The following DPH6 variants were observed in gnomAD, a reference collection of about 807,000 sequenced individuals.
The protein encoded by DPH6 is diphthamine biosynthesis 6, also known as diphthine--ammonia ligase.
DPH6 carries 33 observed loss-of-function variants against 38.2 expected under a neutral mutation model. That is an observed-to-expected ratio of 0.86 (90% CI 0.65 to 1.15). DPH6 has a LOEUF of 1.15. DPH6 is among the 50% of genes most tolerant of loss of function. The pLI is 0.00. For synonymous variants in DPH6, 108 were observed against 103.0 expected (o/e 1.05, Z -0.30); for missense variants, 325 against 320.0 (o/e 1.02, Z -0.12).
the DPH6 span, among the ~76,000 whole-genome samples, chr15:35,178,681 A>AT: frequency 6.6e-6 from 1 of 152,280 alleles, no homozygotes; most frequent in East Asian, 1.9e-4. Flanking sequence ...ATTAGAAAGT[A>AT]TTTTTGTGTG....
the DPH6 span, among the ~76,000 whole-genome samples, chr15:35,172,531 C>T: frequency 2.0e-5 from 3 of 152,132 alleles, no homozygotes; most frequent in African/African-American, 4.8e-5. Flanking sequence ...AGTGTCTCAC[C>T]TGTACAGATA....
chr15:35,488,569 C>T (rs1313682150), intron 3 of DPH6, among the ~76,000 whole-genome samples: 1 of 152,084 alleles, frequency 6.6e-6, no homozygotes, highest in African/African-American at 2.4e-5. Flanking sequence ...GTTACAAGAA[C>T]AGCATGGGGG....
chr15:35,394,591 C>T (rs2053105682), intron 6 of DPH6, among the ~76,000 whole-genome samples: 1 of 152,168 alleles, frequency 6.6e-6, no homozygotes, highest in East Asian at 1.9e-4. Context: ...ATTGCATCAT[C>T]AGTTAAAAGC....
intron 3 of DPH6, among the ~76,000 whole-genome samples, chr15:35,310,588 G>A (rs1166320059): frequency 6.6e-6 from 1 of 152,136 alleles, no homozygotes; most frequent in African/African-American, 2.4e-5. Context: ...AACCTTATAT[G>A]AATGCCTTTT....
downstream of DPH6, among the ~76,000 whole-genome samples, chr15:35,327,685 C>G (rs1325643331): frequency 6.6e-6 from 1 of 152,152 alleles, no homozygotes; most frequent in Non-Finnish European, 1.5e-5. Context: ...GAGACGTGTT[C>G]CAGTCCCATC....
the DPH6 span, among the ~76,000 whole-genome samples, chr15:35,170,063 G>C: frequency 6.6e-6 from 1 of 152,136 alleles, no homozygotes; most frequent in Non-Finnish European, 1.5e-5. Flanking sequence ...ATGCAATTTA[G>C]GCTAATTTGA....
At chr15:35,184,905 A>G in the DPH6 span, among the ~76,000 whole-genome samples, 1 of 152,188 alleles carries the variant, frequency 6.6e-6, no homozygotes, top group African/African-American at 2.4e-5. Flanking sequence ...CTTCCTTAGC[A>G]ACCTCTAGCA....
At chr15:35,488,679 A>AT (rs2054436746) in intron 3 of DPH6, among the ~76,000 whole-genome samples, 1 of 152,204 alleles carries the variant, frequency 6.6e-6, no homozygotes, top group African/African-American at 2.4e-5. Context: ...GAGACAAACC[A>AT]TATCAGTAGT....
intron 1 of DPH6, 44 bp downstream of exon 1, chr15:35,546,075 G>A: frequency 2.2e-6 from 3 of 1,349,398 alleles, no homozygotes; most frequent in East Asian, 3.1e-5. Flanking sequence ...GAAGGGACGA[G>A]AGCCTGGCCT....
At chr15:35,263,461 A>G (rs1595452077) in intron 3 of DPH6, among the ~76,000 whole-genome samples, 1 of 138,530 alleles carries the variant, frequency 7.2e-6, no homozygotes, top group East Asian at 2.1e-4. Flanking sequence ...GCTAGAGTGC[A>G]GTGGCATGAT....
chr15:35,523,399 A>T (rs948450676), intron 3 of DPH6, among the ~76,000 whole-genome samples: 1 of 151,934 alleles, frequency 6.6e-6, no homozygotes, highest in Non-Finnish European at 1.5e-5. Flanking sequence ...CCAATAAGAG[A>T]TTATTTTAAA....
intron 3 of DPH6, among the ~76,000 whole-genome samples, chr15:35,333,952 G>C (rs926796361): frequency 6.6e-6 from 1 of 152,048 alleles, no homozygotes. Flanking sequence ...CCATAAAGAA[G>C]AACAAGATCT....
intron 3 of DPH6, among the ~76,000 whole-genome samples, chr15:35,274,110 C>T (rs2051841335): frequency 6.6e-6 from 1 of 152,186 alleles, no homozygotes; most frequent in African/African-American, 2.4e-5. Context: ...ATGTCTACAA[C>T]CATCTGATCT....
chr15:35,473,100 C>T (rs2054217845), intron 3 of DPH6, among the ~76,000 whole-genome samples: 1 of 152,122 alleles, frequency 6.6e-6, no homozygotes, highest in Admixed American at 6.6e-5. Context: ...TGGGAGCAAT[C>T]TCTAAGATGC....
chr15:35,247,823 A>G (rs2051646482), intron 3 of DPH6, among the ~76,000 whole-genome samples: 1 of 152,336 alleles, frequency 6.6e-6, no homozygotes, highest in East Asian at 1.9e-4. Context: ...CACCGTCAAA[A>G]TAAGAAAGAA....
At chr15:35,203,982 G>A in the DPH6 span, among the ~76,000 whole-genome samples, 1 of 151,644 alleles carries the variant, frequency 6.6e-6, no homozygotes, top group Admixed American at 6.6e-5. Context: ...TCAATTAACA[G>A]TTCCTTGACA....
chr15:35,354,888 T>TA (rs1346260999), intron 3 of DPH6, among the ~76,000 whole-genome samples: 1 of 152,188 alleles, frequency 6.6e-6, no homozygotes, highest in Non-Finnish European at 1.5e-5. Flanking sequence ...AGTGAGGTGT[T>TA]AAAGTCTCCC....
chr15:35,238,512 C>A (rs1013336268), intron 3 of DPH6, among the ~76,000 whole-genome samples: 5 of 152,210 alleles, frequency 3.3e-5, no homozygotes, highest in African/African-American at 1.2e-4. Context: ...ATTCCCACAT[C>A]TACAATTTAG....
At chr15:35,454,574 T>C (rs537887707) in intron 4 of DPH6, among the ~76,000 whole-genome samples, 173 bp downstream of exon 4, 3 of 152,156 alleles carry the variant, frequency 2.0e-5, no homozygotes, top group South Asian at 2.1e-4. Flanking sequence ...GATATAAGGA[T>C]AGAAAAAAGG....
Sources: allele counts gnomAD v4.1 joint callset (sites outside exome capture counted in the v4.1 genomes callset), GRCh38; gene constraint gnomAD v4.1.1; transcripts MANE v1.5; gene names NCBI Gene and HGNC (gene_info 2026-07-23, HGNC 2026-07-21).